Variants in KCND3 observed in about 807,000 individuals in gnomAD.
The protein encoded by KCND3 is A-type voltage-gated potassium channel KCND3.
In KCND3, 9 loss-of-function variants were observed where a neutral mutation model predicts 51.1. That is an observed-to-expected ratio of 0.18 (90% CI 0.11 to 0.31). The LOEUF (loss-of-function observed/expected upper bound fraction) is 0.31, where lower values mean the gene tolerates loss of function less well. Ranked by LOEUF, KCND3 falls within the 10% of genes least tolerant of loss-of-function variation. The pLI is 1.00. For missense variants in KCND3, 526 were observed against 903.8 expected (o/e 0.58, Z 5.36); for synonymous variants, 349 against 368.0 (o/e 0.95, Z 0.59).
At chr1:111,980,203 A>T (rs963850186) in intron 2 of KCND3, among the ~76,000 whole-genome samples, 1 of 142,956 alleles carries the variant, frequency 7.0e-6, no homozygotes, top group East Asian at 2.0e-4. Context: ...CCATTTGAAG[A>T]GTGTGTGTGT....
At chr1:111,978,356 G>A (rs1044204363) in intron 2 of KCND3, among the ~76,000 whole-genome samples, 3 of 152,236 alleles carry the variant, frequency 2.0e-5, no homozygotes, top group African/African-American at 7.2e-5. Context: ...CCAGGGAAGG[G>A]AGTGTCTGGA....
At chr1:111,963,193 G>A (rs1252498140) in intron 2 of KCND3, among the ~76,000 whole-genome samples, 1 of 152,228 alleles carries the variant, frequency 6.6e-6, no homozygotes, top group Non-Finnish European at 1.5e-5. Flanking sequence ...ATCATGAGAT[G>A]TAATAAATGT....
At chr1:111,913,757 G>A (rs1436388668) in intron 2 of KCND3, among the ~76,000 whole-genome samples, 2 of 152,122 alleles carry the variant, frequency 1.3e-5, no homozygotes, top group Non-Finnish European at 2.9e-5. Flanking sequence ...TAAGCTGGGT[G>A]TAGTGGTGTG....
intron 2 of KCND3, among the ~76,000 whole-genome samples, chr1:111,835,095 C>A (rs922530660): frequency 2.0e-5 from 3 of 152,134 alleles, no homozygotes; most frequent in Non-Finnish European, 4.4e-5. Flanking sequence ...CCAAAGCAAC[C>A]TACAGAGATT....
At chr1:111,804,020 A>G (rs1238817352) in intron 2 of KCND3, among the ~76,000 whole-genome samples, 2 of 152,048 alleles carry the variant, frequency 1.3e-5, no homozygotes, top group Admixed American at 6.6e-5. Context: ...CCTTTTTATA[A>G]TAGCGCTTAT....
At chr1:111,938,277 C>T (rs1672317738) in intron 2 of KCND3, among the ~76,000 whole-genome samples, 1 of 152,132 alleles carries the variant, frequency 6.6e-6, no homozygotes, top group South Asian at 2.1e-4. Context: ...GTTCATTTGC[C>T]CATTCATTCT....
At chr1:111,829,534 G>GA (rs940846416) in intron 2 of KCND3, among the ~76,000 whole-genome samples, 2 of 152,120 alleles carry the variant, frequency 1.3e-5, no homozygotes, top group Admixed American at 1.3e-4. Context: ...AGGGATGGGG[G>GA]AAAGACTACA....
intron 2 of KCND3, among the ~76,000 whole-genome samples, chr1:111,896,598 T>A (rs1670126721): frequency 6.6e-6 from 1 of 152,196 alleles, no homozygotes; most frequent in Non-Finnish European, 1.5e-5. Context: ...TCTACCTGTA[T>A]CTTCCTCATC....
intron 2 of KCND3, among the ~76,000 whole-genome samples, chr1:111,798,050 T>C (rs1665133567): frequency 6.6e-6 from 1 of 152,178 alleles, no homozygotes. Flanking sequence ...ATTGTACCTA[T>C]TCGTCCTTTT....
intron 2 of KCND3, among the ~76,000 whole-genome samples, chr1:111,845,314 C>T (rs1667495395): frequency 6.6e-6 from 1 of 152,112 alleles, no homozygotes; most frequent in African/African-American, 2.4e-5. Context: ...TAGGCTCCTC[C>T]ACCTGCAATT....
intron 2 of KCND3, among the ~76,000 whole-genome samples, chr1:111,889,333 A>C (rs1001694761): frequency 2.0e-5 from 3 of 152,350 alleles, no homozygotes; most frequent in Non-Finnish European, 2.9e-5. Context: ...GGCACCTGCT[A>C]GTCCCACTGC....
intron 2 of KCND3, among the ~76,000 whole-genome samples, chr1:111,849,634 ACTGTGCAGGTCCTGG>A (rs1437315774): frequency 2.0e-5 from 3 of 152,210 alleles, no homozygotes; most frequent in Non-Finnish European, 4.4e-5. Context: ...CACTGGTACA[ACTGTGCAGGTCCTGG>A]CTGAGAAGGG....
chr1:111,924,460 TAGTC>T (rs1205430699), intron 2 of KCND3, among the ~76,000 whole-genome samples: 1 of 152,182 alleles, frequency 6.6e-6, no homozygotes, highest in East Asian at 1.9e-4. Flanking sequence ...GCTCACACCT[TAGTC>T]AGTGAAGTTT....
chr1:111,890,437 C>T (rs1457855620), intron 2 of KCND3, among the ~76,000 whole-genome samples: 1 of 152,120 alleles, frequency 6.6e-6, no homozygotes, highest in Admixed American at 6.5e-5. Flanking sequence ...ATGGGTGGAG[C>T]AGCTTTGGGC....
At chr1:111,785,086 G>C (rs189376491) in intron 3 of KCND3, among the ~76,000 whole-genome samples, 1 of 152,278 alleles carries the variant, frequency 6.6e-6, no homozygotes, top group African/African-American at 2.4e-5. Context: ...CCCAGGTGAA[G>C]TAAAGGTAGC....
intron 2 of KCND3, among the ~76,000 whole-genome samples, chr1:111,863,098 T>C (rs899318460): frequency 3.3e-5 from 5 of 152,208 alleles, no homozygotes; most frequent in African/African-American, 9.7e-5. Context: ...ATTGTTACAA[T>C]GGGCTGGGCA....
intron 2 of KCND3, among the ~76,000 whole-genome samples, chr1:111,957,483 A>G (rs1227240439): frequency 1.3e-5 from 2 of 152,154 alleles, no homozygotes; most frequent in South Asian, 2.1e-4. Flanking sequence ...AGTTTTCCTC[A>G]TCTGTCAAAT....
At chr1:111,949,751 G>T (rs1029326933) in intron 2 of KCND3, among the ~76,000 whole-genome samples, 1 of 151,430 alleles carries the variant, frequency 6.6e-6, no homozygotes, top group African/African-American at 2.4e-5. Flanking sequence ...TAATATTTCA[G>T]GTTTAACATG....
chr1:111,917,087 A>G (rs1017227573), intron 2 of KCND3, among the ~76,000 whole-genome samples: 1 of 152,226 alleles, frequency 6.6e-6, no homozygotes, highest in Admixed American at 6.5e-5. Flanking sequence ...CTTTTAACAA[A>G]ATGTGATACC....
Sources: allele counts gnomAD v4.1 joint callset (sites outside exome capture counted in the v4.1 genomes callset), GRCh38; gene constraint gnomAD v4.1.1; transcripts MANE v1.5; gene names NCBI Gene and HGNC (gene_info 2026-07-23, HGNC 2026-07-21).